The following SRPK2 variants were observed in gnomAD, a reference collection of about 807,000 sequenced individuals.
SRPK2 encodes the protein SFRS protein kinase 2.
Under a neutral mutation model 90.8 loss-of-function variants are expected in SRPK2, and 21 were observed. That is an observed-to-expected ratio of 0.23 (90% CI 0.16 to 0.33). The LOEUF is 0.33. Among genes scored for constraint, SRPK2 ranks in the 10% least tolerant of loss-of-function variants. The probability of loss-of-function intolerance (pLI) is 1.00; values close to 1 mark genes in which losing one functional copy is unlikely to be tolerated. For synonymous variants in SRPK2, 288 were observed against 311.1 expected (o/e 0.93, Z 0.78); for missense variants, 620 against 869.0 (o/e 0.71, Z 3.60).
intron 2 of SRPK2, among the ~76,000 whole-genome samples, chr7:105,366,231 G>A (rs995558515): frequency 6.6e-6 from 1 of 151,954 alleles, no homozygotes; most frequent in Non-Finnish European, 1.5e-5. Context: ...CATTTCTTAA[G>A]GCAAACCTCT....
chr7:105,302,674 AT>A (rs1810690098), intron 2 of SRPK2, among the ~76,000 whole-genome samples: 1 of 151,964 alleles, frequency 6.6e-6, no homozygotes, highest in African/African-American at 2.4e-5. Context: ...ATATCTATTT[AT>A]ATTTTTCTCT....
chr7:105,319,532 G>T (rs779258511), intron 2 of SRPK2, among the ~76,000 whole-genome samples: 122 of 142,690 alleles, frequency 8.5e-4, no homozygotes, highest in Middle Eastern at 7.2e-3. Flanking sequence ...TGGATGGCAG[G>T]GGGAGAATAT....
chr7:105,228,970 T>C (rs1484597408), intron 2 of SRPK2, among the ~76,000 whole-genome samples: 1 of 152,104 alleles, frequency 6.6e-6, no homozygotes, highest in Non-Finnish European at 1.5e-5. Context: ...CTGCTCACAA[T>C]AGTAGTGGTC....
At chr7:105,264,341 G>A (rs1305976048) in intron 2 of SRPK2, among the ~76,000 whole-genome samples, 1 of 152,100 alleles carries the variant, frequency 6.6e-6, no homozygotes, top group African/African-American at 2.4e-5. Flanking sequence ...AATAAGAAGA[G>A]AACAATTAAA....
chr7:105,245,391 G>A (rs1179364951), intron 2 of SRPK2, among the ~76,000 whole-genome samples: 2 of 152,204 alleles, frequency 1.3e-5, no homozygotes, highest in Non-Finnish European at 2.9e-5. Flanking sequence ...AAAAGAGCCA[G>A]AAATGGCAGG....
intron 2 of SRPK2, among the ~76,000 whole-genome samples, chr7:105,217,027 ATTCAGGG>A (rs1554461487): frequency 6.6e-6 from 1 of 152,234 alleles, no homozygotes; most frequent in Non-Finnish European, 1.5e-5. Context: ...AAAACTGTTT[ATTCAGGG>A]TTCCAGCTGT....
At chr7:105,343,175 G>C (rs1346076210) in intron 2 of SRPK2, among the ~76,000 whole-genome samples, 1 of 152,134 alleles carries the variant, frequency 6.6e-6, no homozygotes, top group African/African-American at 2.4e-5. Context: ...GTTTGCACCT[G>C]AAAACCCAGC....
intron 2 of SRPK2, among the ~76,000 whole-genome samples, chr7:105,236,768 A>C (rs1268269958): frequency 6.6e-6 from 1 of 152,226 alleles, no homozygotes; most frequent in Admixed American, 6.5e-5. Flanking sequence ...AGAAGAGTCC[A>C]TGGGTACCAG....
intron 2 of SRPK2, among the ~76,000 whole-genome samples, chr7:105,267,567 G>A (rs1337935175): frequency 6.6e-6 from 1 of 152,112 alleles, no homozygotes; most frequent in African/African-American, 2.4e-5. Flanking sequence ...AACACTAGCA[G>A]TCCTAAAATT....
intron 2 of SRPK2, among the ~76,000 whole-genome samples, chr7:105,383,474 G>A (rs1821193516): frequency 6.6e-6 from 1 of 151,216 alleles, no homozygotes; most frequent in Admixed American, 6.6e-5. Context: ...AGGCTGGAGT[G>A]CAGCGGCATG....
At chr7:105,241,038 A>G (rs998002689) in intron 2 of SRPK2, among the ~76,000 whole-genome samples, 8 of 152,228 alleles carry the variant, frequency 5.3e-5, no homozygotes, top group African/African-American at 1.9e-4. Context: ...CTTAAGTGAA[A>G]GCACAGAAAT....
intron 7 of SRPK2, among the ~76,000 whole-genome samples, chr7:105,154,821 C>T (rs773456399): frequency 7.2e-5 from 11 of 151,758 alleles, no homozygotes; most frequent in Non-Finnish European, 1.6e-4. Flanking sequence ...ACTACAAGCA[C>T]GTGCCACCAC....
chr7:105,164,783 T>A (rs1808265787), intron 6 of SRPK2, among the ~76,000 whole-genome samples: 1 of 152,016 alleles, frequency 6.6e-6, no homozygotes, highest in South Asian at 2.1e-4. Context: ...CATTTTGGAG[T>A]TTAAATCTGG....
chr7:105,370,520 C>A (rs149091453), intron 2 of SRPK2, among the ~76,000 whole-genome samples: 8 of 151,668 alleles, frequency 5.3e-5, no homozygotes, highest in Non-Finnish European at 1.2e-4. Flanking sequence ...ATTATAATGC[C>A]GAAAAATATT....
chr7:105,187,233 TAA>T (rs1403027701), intron 3 of SRPK2, among the ~76,000 whole-genome samples: 1 of 152,228 alleles, frequency 6.6e-6, no homozygotes, highest in Non-Finnish European at 1.5e-5. Flanking sequence ...CTTCAATCTT[TAA>T]AAGACTGATC....
At chr7:105,379,424 G>A (rs2132621991) in intron 2 of SRPK2, among the ~76,000 whole-genome samples, 1 of 152,070 alleles carries the variant, frequency 6.6e-6, no homozygotes, top group East Asian at 1.9e-4. Flanking sequence ...ATTTGAGGGT[G>A]TCCCAGAACC....
chr7:105,115,959 A>T (rs1799597260), downstream of SRPK2, among the ~76,000 whole-genome samples: 1 of 152,226 alleles, frequency 6.6e-6, no homozygotes, highest in African/African-American at 2.4e-5. Context: ...GCCTCATTAG[A>T]AAAACTTAGC....
intron 2 of SRPK2, among the ~76,000 whole-genome samples, chr7:105,386,892 T>G (rs1405883758): frequency 2.0e-5 from 3 of 152,130 alleles, no homozygotes; most frequent in Non-Finnish European, 2.9e-5. Flanking sequence ...ATATACACAA[T>G]ACACAGTGGG....
chr7:105,230,789 C>G (rs1799330553), intron 2 of SRPK2, among the ~76,000 whole-genome samples: 1 of 151,988 alleles, frequency 6.6e-6, no homozygotes, highest in African/African-American at 2.4e-5. Context: ...TGTTGTGATT[C>G]TATCTTAGGA....
Sources: gnomAD v4.1 joint callset for allele counts (sites outside exome capture counted in the v4.1 genomes callset) on GRCh38, gnomAD v4.1.1 for gene constraint, MANE v1.5 for transcripts, NCBI Gene and HGNC (gene_info 2026-07-23, HGNC 2026-07-21) for gene names.